RETREG1: variants seen among roughly 807,000 people sequenced by gnomAD.
RETREG1 encodes the protein family with sequence similarity 134 member B.
Under a neutral mutation model 54.8 loss-of-function variants are expected in RETREG1, and 44 were observed. The ratio of observed to expected loss-of-function variants is 0.80; its 90% CI spans 0.63 to 1.03. RETREG1 has a LOEUF of 1.03. RETREG1 is among the 50% of genes least tolerant of loss of function. The pLI is 0.00. For synonymous variants in RETREG1, 217 were observed against 238.5 expected (o/e 0.91, Z 0.83); for missense variants, 554 against 605.1 (o/e 0.92, Z 0.89).
intron 2 of RETREG1, among the ~76,000 whole-genome samples, chr5:16,571,565 T>C (rs1742173214): frequency 6.6e-6 from 1 of 152,180 alleles, no homozygotes; most frequent in African/African-American, 2.4e-5. Flanking sequence ...TATTCATTTT[T>C]TATTATCAAC....
At chr5:16,591,195 T>C (rs967484064) in intron 1 of RETREG1, among the ~76,000 whole-genome samples, 2 of 152,230 alleles carry the variant, frequency 1.3e-5, no homozygotes, top group African/African-American at 4.8e-5. Context: ...AATCTGGTTC[T>C]GAGATGACCT....
At chr5:16,582,668 A>G (rs1356379455) in intron 1 of RETREG1, among the ~76,000 whole-genome samples, 5 of 152,056 alleles carry the variant, frequency 3.3e-5, no homozygotes, top group Non-Finnish European at 7.4e-5. Flanking sequence ...ATAAGAAAAA[A>G]AAAAAAACGG....
intron 3 of RETREG1, among the ~76,000 whole-genome samples, chr5:16,519,197 G>A (rs190073827): frequency 7.9e-5 from 12 of 152,292 alleles, no homozygotes; most frequent in East Asian, 1.9e-4. Context: ...CTCTCGCTGC[G>A]TGGTGGGTGG....
At chr5:16,595,455 T>C (rs1161942585) in intron 1 of RETREG1, among the ~76,000 whole-genome samples, 1 of 152,190 alleles carries the variant, frequency 6.6e-6, no homozygotes, top group Non-Finnish European at 1.5e-5. Context: ...ACCATGTCCA[T>C]TTTAACAGGT....
chr5:16,495,786 G>A (rs1429474891), intron 3 of RETREG1, among the ~76,000 whole-genome samples: 4 of 137,856 alleles, frequency 2.9e-5, no homozygotes, highest in Admixed American at 8.0e-5. Flanking sequence ...GGGCGACAGA[G>A]CGAGACTCTG....
chr5:16,527,136 G>A (rs1740740449), intron 3 of RETREG1, among the ~76,000 whole-genome samples: 1 of 152,212 alleles, frequency 6.6e-6, no homozygotes, highest in African/African-American at 2.4e-5. Context: ...AGCATCCCCT[G>A]TTAAATTTGT....
intron 3 of RETREG1, among the ~76,000 whole-genome samples, chr5:16,510,818 C>CAAAAAAAAAAA (rs57713373): frequency 1.3e-5 from 1 of 75,682 alleles, no homozygotes. Context: ...ACAACAACAA[C>CAAAAAAAAAAA]AAAAAAAAAA....
chr5:16,539,341 G>C (rs534416373), intron 3 of RETREG1, among the ~76,000 whole-genome samples: 1 of 152,282 alleles, frequency 6.6e-6, no homozygotes, highest in East Asian at 1.9e-4. Context: ...CTAATCAGAT[G>C]ATGGGCCATG....
intron 3 of RETREG1, among the ~76,000 whole-genome samples, chr5:16,489,924 A>G (rs1309205636): frequency 2.0e-5 from 3 of 152,252 alleles, no homozygotes; most frequent in Non-Finnish European, 2.9e-5. Context: ...ATGTTTTAGC[A>G]TATACTAATG....
intron 2 of RETREG1, among the ~76,000 whole-genome samples, chr5:16,571,755 C>A (rs528600512): frequency 1.3e-5 from 2 of 152,008 alleles, no homozygotes; most frequent in Non-Finnish European, 2.9e-5. Flanking sequence ...TAAATACCAA[C>A]GTGGTATTTA....
intron 3 of RETREG1, among the ~76,000 whole-genome samples, chr5:16,554,932 C>A (rs1741664325): frequency 6.6e-6 from 1 of 152,180 alleles, no homozygotes; most frequent in Admixed American, 6.5e-5. Flanking sequence ...ACGCAATCTG[C>A]AAACTCACCT....
intron 1 of RETREG1, among the ~76,000 whole-genome samples, chr5:16,573,742 G>GTTTTTTTTTT (rs34651832): frequency 2.4e-5 from 3 of 126,534 alleles, no homozygotes; most frequent in Non-Finnish European, 3.2e-5. Context: ...TTTGTTTTTT[G>GTTTTTTTTTT]TTTTTTTTTT....
intron 1 of RETREG1, among the ~76,000 whole-genome samples, chr5:16,590,854 A>ACC (rs1355132484): frequency 6.6e-6 from 1 of 150,838 alleles, no homozygotes; most frequent in African/African-American, 2.4e-5. Flanking sequence ...ATGCACACAC[A>ACC]AAAAACACAC....
At chr5:16,557,730 G>A (rs539111742) in intron 3 of RETREG1, among the ~76,000 whole-genome samples, 4 of 152,282 alleles carry the variant, frequency 2.6e-5, no homozygotes, top group Middle Eastern at 3.4e-3. Flanking sequence ...TCCCAGGCTC[G>A]CCTAGGCCTC....
At chr5:16,548,306 G>A (rs1741442334) in intron 3 of RETREG1, among the ~76,000 whole-genome samples, 1 of 152,188 alleles carries the variant, frequency 6.6e-6, no homozygotes, top group Non-Finnish European at 1.5e-5. Context: ...GTGGAGGCGT[G>A]AAATGTACCT....
chr5:16,614,003 G>GCTTT lies in RETREG1; in HGVS notation c.320+2648_320+2649insAAAG, dbSNP rs1743421585. Among the ~76,000 whole-genome samples, 3 of 152,186 alleles carry GCTTT rather than the reference G, an allele frequency of 2.0e-5. No homozygotes were observed. The South Asian group carries it at 6.2e-4, about 32-fold the overall frequency. On this transcript the variant is annotated intron_variant, in intron 1 of 8. Transcript: ENST00000306320. ...AGCAACAAGTAATTCTGAACTTAAA[G>GCTTT]AACAGGACAGTCATTTTTGTCAAAG...
chr5:16,477,239 A>G (rs907836053), intron 8 of RETREG1, among the ~76,000 whole-genome samples: 1 of 152,174 alleles, frequency 6.6e-6, no homozygotes, highest in African/African-American at 2.4e-5. Flanking sequence ...ACACCCTTCT[A>G]AGGTATACAA....
chr5:16,476,372 G>C (rs1738537925), intron 8 of RETREG1, among the ~76,000 whole-genome samples: 1 of 152,052 alleles, frequency 6.6e-6, no homozygotes, highest in Non-Finnish European at 1.5e-5. Context: ...TTCAGTATAT[G>C]GCCAAAACAA....
At chr5:16,538,768 G>T (rs552672046) in intron 3 of RETREG1, among the ~76,000 whole-genome samples, 5 of 151,336 alleles carry the variant, frequency 3.3e-5, no homozygotes, top group African/African-American at 1.2e-4. Context: ...GCAGTGGCAC[G>T]ATCTCGGCTC....
Sources: allele counts gnomAD v4.1 joint callset (sites outside exome capture counted in the v4.1 genomes callset), GRCh38; gene constraint gnomAD v4.1.1; transcripts MANE v1.5; gene names NCBI Gene and HGNC (gene_info 2026-07-23, HGNC 2026-07-21).